Variants in DRC8 observed in about 807,000 individuals in gnomAD.
DRC8 encodes dynein regulatory complex subunit 8.
the DRC8 span, among the ~76,000 whole-genome samples, chr1:245,006,304 G>GTTTA: frequency 1.3e-5 from 2 of 150,712 alleles, no homozygotes; most frequent in African/African-American, 2.4e-5. Context: ...AGTGATGAGT[G>GTTTA]TTTATTTATT....
At chr1:245,017,553 G>T in the DRC8 span, among the ~76,000 whole-genome samples, 1 of 71,714 alleles carries the variant, frequency 1.4e-5, no homozygotes, top group African/African-American at 6.4e-5. Context: ...CTCATTGCCT[G>T]TTCCAACCTA....
At chr1:245,033,232 C>T in the DRC8 span, among the ~76,000 whole-genome samples, 1 of 152,178 alleles carries the variant, frequency 6.6e-6, no homozygotes, top group African/African-American at 2.4e-5. Flanking sequence ...TCAAGGAGGT[C>T]TCCACAGGTG....
chr1:245,000,979 G>GA, the DRC8 span, among the ~76,000 whole-genome samples: 4 of 151,624 alleles, frequency 2.6e-5, no homozygotes, highest in Admixed American at 1.3e-4. Flanking sequence ...GCCAGCAGGG[G>GA]AAAAAAAATC....
At chr1:245,052,247 AT>A in the DRC8 span, among the ~76,000 whole-genome samples, 1 of 152,150 alleles carries the variant, frequency 6.6e-6, no homozygotes, top group African/African-American at 2.4e-5. Flanking sequence ...ACGCTTTTTT[AT>A]TTTATTATTT....
chr1:245,067,663 A>T, the DRC8 span, among the ~76,000 whole-genome samples: 1 of 151,910 alleles, frequency 6.6e-6, no homozygotes, highest in South Asian at 2.1e-4. Context: ...CTTTTGAGTT[A>T]GTAGAACAAG....
the DRC8 span, among the ~76,000 whole-genome samples, chr1:245,100,415 T>TAATA: frequency 6.1e-5 from 6 of 98,646 alleles, no homozygotes; most frequent in East Asian, 1.7e-3. Flanking sequence ...TAATAATAAT[T>TAATA]GTTTAATGTT....
chr1:245,084,373 C>T, the DRC8 span, among the ~76,000 whole-genome samples: 3 of 152,100 alleles, frequency 2.0e-5, no homozygotes, highest in African/African-American at 7.2e-5. Context: ...TTTTAAAGAG[C>T]TTTTCTGTCA....
the DRC8 span, among the ~76,000 whole-genome samples, chr1:245,048,034 A>G: frequency 1.3e-5 from 2 of 151,420 alleles, no homozygotes; most frequent in Non-Finnish European, 2.9e-5. Context: ...GAGGAGGTGG[A>G]TCATCATAAA....
chr1:244,972,658 A>G, the DRC8 span, among the ~76,000 whole-genome samples: 1 of 152,168 alleles, frequency 6.6e-6, no homozygotes, highest in Non-Finnish European at 1.5e-5. Flanking sequence ...TCTCTACTAA[A>G]AATACAAAAA....
the DRC8 span, among the ~76,000 whole-genome samples, chr1:245,053,755 C>G: frequency 6.6e-6 from 1 of 152,152 alleles, no homozygotes; most frequent in Admixed American, 6.5e-5. Context: ...GGGGTCTACC[C>G]GGGCAGGTGA....
chr1:245,014,154 A>G, the DRC8 span, among the ~76,000 whole-genome samples: 4 of 152,108 alleles, frequency 2.6e-5, no homozygotes, highest in African/African-American at 7.2e-5. Flanking sequence ...GTAATTGTGT[A>G]TGATTTTGAT....
chr1:245,101,578 C>T, the DRC8 span, among the ~76,000 whole-genome samples: 1 of 152,110 alleles, frequency 6.6e-6, no homozygotes, highest in Non-Finnish European at 1.5e-5. Flanking sequence ...TCTTCATTTA[C>T]TAGTATTTCC....
the DRC8 span, among the ~76,000 whole-genome samples, chr1:245,039,087 A>G: frequency 6.8e-6 from 1 of 146,308 alleles, no homozygotes; most frequent in Non-Finnish European, 1.5e-5. Context: ...TTTTCAGTGC[A>G]CCCCCTTATT....
the DRC8 span, among the ~76,000 whole-genome samples, chr1:245,026,136 T>G: frequency 2.0e-5 from 3 of 152,222 alleles, no homozygotes; most frequent in Non-Finnish European, 4.4e-5. Context: ...AGTATCCACT[T>G]GCTAATACAG....
At chr1:245,002,160 T>C in the DRC8 span, 2 of 1,609,870 alleles carry the variant, frequency 1.2e-6, no homozygotes. Flanking sequence ...GCCTCGGACT[T>C]TACTGATCGA....
At chr1:245,100,277 C>T in the DRC8 span, among the ~76,000 whole-genome samples, 96 of 152,096 alleles carry the variant, frequency 6.3e-4, no homozygotes, top group African/African-American at 2.2e-3. Flanking sequence ...CCCAGCTACT[C>T]GGGATGCTGA....
chr1:245,087,321 C>G, the DRC8 span: 1 of 1,610,780 alleles, frequency 6.2e-7, no homozygotes, highest in African/African-American at 1.3e-5. Flanking sequence ...CAATTAATTA[C>G]AAGGACTATA....
chr1:245,087,313 A>G, the DRC8 span: 3 of 1,611,614 alleles, frequency 1.9e-6, no homozygotes, highest in Admixed American at 3.4e-5. Context: ...ATCAAATTCA[A>G]TTAATTACAA....
At chr1:245,066,583 A>C in the DRC8 span, among the ~76,000 whole-genome samples, 1 of 152,220 alleles carries the variant, frequency 6.6e-6, no homozygotes. Flanking sequence ...GAATAATCAG[A>C]GTATCTAGAA....
Sources: gnomAD v4.1 joint callset for allele counts (sites outside exome capture counted in the v4.1 genomes callset) on GRCh38, gnomAD v4.1.1 for gene constraint, MANE v1.5 for transcripts, NCBI Gene and HGNC (gene_info 2026-07-23, HGNC 2026-07-21) for gene names.